The following KCNA6 variants were observed in gnomAD, a reference collection of about 807,000 sequenced individuals.
The protein encoded by KCNA6 is human brain potassium channel-2.
Under a neutral mutation model 29.5 loss-of-function variants are expected in KCNA6, and 17 were observed. That is an observed-to-expected ratio of 0.58 (90% CI 0.39 to 0.86). KCNA6 has a LOEUF of 0.86. KCNA6 is among the 40% of genes least tolerant of loss of function. The pLI is 0.00. For synonymous variants in KCNA6, 296 were observed against 304.7 expected (o/e 0.97, Z 0.30); for missense variants, 450 against 703.4 (o/e 0.64, Z 4.07).
At chr12:4,827,158 T>TTCCGTCCCTCCTTCCCTCCTTCTTTCCC in the KCNA6 span, among the ~76,000 whole-genome samples, 1 of 123,892 alleles carries the variant, frequency 8.1e-6, no homozygotes, top group Non-Finnish European at 1.7e-5. Context: ...CCCTCGTTCT[T>TTCCGTCCCTCCTTCCCTCCTTCTTTCCC]TCCTTCCCTC....
exon 1 of KCNA6, chr12:4,809,527 C>G (rs1440160466): frequency 6.6e-6 from 1 of 151,820 alleles, no homozygotes; most frequent in Non-Finnish European, 1.5e-5. Context: ...CCGCGGTGGA[C>G]GCAGGGCGGA....
the KCNA6 span, among the ~76,000 whole-genome samples, chr12:4,822,477 AC>A: frequency 1.3e-5 from 2 of 152,140 alleles, no homozygotes; most frequent in African/African-American, 4.8e-5. Flanking sequence ...GGTTCCAGCT[AC>A]CCATGAGAGA....
chr12:4,822,021 GA>G, the KCNA6 span, among the ~76,000 whole-genome samples: 2 of 152,160 alleles, frequency 1.3e-5, no homozygotes, highest in African/African-American at 4.8e-5. Flanking sequence ...TTTTAGGAGA[GA>G]GGGGGTTTCA....
chr12:4,813,649 G>A (rs1202725693), downstream of KCNA6: 1 of 167,058 alleles, frequency 6.0e-6, no homozygotes, highest in Admixed American at 6.5e-5. Context: ...CTCCAAACCT[G>A]AAACACAGTA....
chr12:4,849,865 G>C, the KCNA6 span, among the ~76,000 whole-genome samples: 1 of 152,172 alleles, frequency 6.6e-6, no homozygotes, highest in African/African-American at 2.4e-5. Flanking sequence ...TCCGTTTCAC[G>C]TGCAGAAACA....
At chr12:4,820,278 A>G in the KCNA6 span, among the ~76,000 whole-genome samples, 3 of 152,134 alleles carry the variant, frequency 2.0e-5, no homozygotes, top group African/African-American at 7.2e-5. Flanking sequence ...GGTAATATGT[A>G]TATATTTTAA....
chr12:4,843,813 A>T, the KCNA6 span, among the ~76,000 whole-genome samples: 8 of 152,174 alleles, frequency 5.3e-5, no homozygotes, highest in Non-Finnish European at 1.0e-4. Flanking sequence ...CGCTATCTCA[A>T]GGACAGCACC....
At chr12:4,818,672 A>T in the KCNA6 span, among the ~76,000 whole-genome samples, 1 of 152,154 alleles carries the variant, frequency 6.6e-6, no homozygotes, top group South Asian at 2.1e-4. Flanking sequence ...TCTTCAGGGG[A>T]GATGGAACAG....
the KCNA6 span, among the ~76,000 whole-genome samples, chr12:4,831,928 G>T: frequency 1.3e-5 from 2 of 152,140 alleles, no homozygotes; most frequent in African/African-American, 4.8e-5. Context: ...ATAAAATGGG[G>T]ATCACTCTGG....
chr12:4,818,286 C>T (rs1946700480), downstream of KCNA6, among the ~76,000 whole-genome samples: 1 of 152,210 alleles, frequency 6.6e-6, no homozygotes, highest in Admixed American at 6.5e-5. Context: ...TTGTCAAACA[C>T]GTTCAGTGCT....
downstream of KCNA6, chr12:4,814,711 A>G (rs1332035158): frequency 6.0e-6 from 1 of 167,152 alleles, no homozygotes; most frequent in Non-Finnish European, 1.5e-5. The surrounding 1 kb of genome is among the most constrained non-coding windows in gnomAD (Gnocchi z 4.6). Context: ...TGGAGCTGCC[A>G]GCCTCAGCCT....
In KCNA6 at chr12:4,811,805, T is replaced by A. The variant is rs570538549; in HGVS notation, c.*174T>A. On this transcript the variant is annotated 3_prime_UTR_variant, in exon 1 of 1. Coordinates refer to ENST00000280684, the Ensembl canonical transcript of KCNA6. This position sits in a 1 kb window ranked among gnomAD's most constrained non-coding sequence, Gnocchi z 7.1. ...ACTATCAACCTTGTTGCTTAATCCC[T>A]GCAGCATTCAAGGTTAATCCATCTA... The A allele has an allele frequency of 1.4e-6, 1 of 720,176 alleles. No individual in the cohort carries two copies. The highest frequency in any genetic ancestry group is 2.7e-5 in the East Asian group (1 of 36,678). The allele number at this position is 720,176 out of a possible 1,614,324, so 44.6% of individuals were successfully genotyped here.
At chr12:4,848,994 C>A in the KCNA6 span, among the ~76,000 whole-genome samples, 2 of 149,258 alleles carry the variant, frequency 1.3e-5, no homozygotes, top group East Asian at 4.0e-4. Flanking sequence ...GTAGCGGGCG[C>A]CTGTAATCCC....
At chr12:4,846,441 T>A in the KCNA6 span, among the ~76,000 whole-genome samples, 1 of 152,250 alleles carries the variant, frequency 6.6e-6, no homozygotes, top group African/African-American at 2.4e-5. Context: ...TTCATCCTAC[T>A]TTATTATGAT....
At chr12:4,846,485 T>C in the KCNA6 span, among the ~76,000 whole-genome samples, 10 of 149,508 alleles carry the variant, frequency 6.7e-5, no homozygotes, top group African/African-American at 2.5e-4. Flanking sequence ...AGCGACATAA[T>C]GTCCAGTGTT....
chr12:4,849,229 T>C, the KCNA6 span, among the ~76,000 whole-genome samples: 1 of 152,218 alleles, frequency 6.6e-6, no homozygotes, highest in Non-Finnish European at 1.5e-5. Flanking sequence ...AAGCTTATGA[T>C]GTTTAATTTA....
In KCNA6 at chr12:4,811,324, T is replaced by G; in HGVS notation, c.1283T>G (p.Met428Arg). The G allele has an allele frequency of 3.1e-6, 5 of 1,614,128 alleles. No individual in the cohort carries two copies. The highest frequency in any genetic ancestry group is 4.2e-6 in the Non-Finnish European group (5 of 1,179,966). Residue 428 changes from methionine (M) to arginine (R), a missense_variant, in exon 1 of 1, where the codon ATG becomes AGG. This residue lies in a region of KCNA6 where 57 missense variants were observed against 140.3 expected (regional missense o/e 0.41). Coordinates refer to ENST00000280684, the Ensembl canonical transcript of KCNA6. This position sits in a 1 kb window ranked among gnomAD's most constrained non-coding sequence, Gnocchi z 7.1. ...ATGACCACGGTAGGTTACGGGGACA[T>G]GTACCCCATGACTGTGGGGGGAAAG... is the stretch of plus-strand genomic sequence containing the variant.
chr12:4,825,220 AGT>A, the KCNA6 span, among the ~76,000 whole-genome samples: 6,143 of 152,230 alleles, frequency 0.04, 267 homozygotes, highest in East Asian at 0.22. Context: ...CTCATGCCAG[AGT>A]TCCTCAAATG....
chr12:4,811,846 A>G lies in KCNA6; in HGVS notation c.*215A>G, dbSNP rs552965041. The G allele has an allele frequency of 1.9e-5, 11 of 574,210 alleles. No homozygotes were observed. The South Asian group carries it at 3.0e-4, about 16-fold the overall frequency. The allele number at this position is 574,210 out of a possible 1,614,324, so 35.6% of individuals were successfully genotyped here. A position where few individuals can be genotyped will look rare whatever the true frequency, so the allele number is the denominator to read the frequency against. ...AATCCATCTAAGTGACATTTTTGAA[A>G]TTCCAGCGGTGCCACCCAATCATGC... is the stretch of plus-strand genomic sequence containing the variant. On this transcript the variant is annotated 3_prime_UTR_variant, in exon 1 of 1. Transcript: ENST00000280684. This position sits in a 1 kb window ranked among gnomAD's most constrained non-coding sequence, Gnocchi z 7.1.
Sources: allele counts gnomAD v4.1 joint callset (sites outside exome capture counted in the v4.1 genomes callset), GRCh38; gene constraint gnomAD v4.1.1; regional missense constraint gnomAD v4.1.1; non-coding constraint Gnocchi (gnomAD v3.1); transcripts MANE v1.5; gene names NCBI Gene and HGNC (gene_info 2026-07-23, HGNC 2026-07-21).